ZNF600: variants seen among roughly 807,000 people sequenced by gnomAD.
ZNF600 encodes zinc finger protein 600.
A neutral mutation model predicts 7.3 loss-of-function variants in ZNF600; 4 were observed. That is an observed-to-expected ratio of 0.55 (90% CI 0.27 to 1.25). The LOEUF (loss-of-function observed/expected upper bound fraction) is 1.25, where lower values mean the gene tolerates loss of function less well. Among genes scored for constraint, ZNF600 ranks in the 50% most tolerant of loss-of-function variants. The probability of loss-of-function intolerance (pLI) is 0.12; values close to 1 mark genes in which losing one functional copy is unlikely to be tolerated. For synonymous variants in ZNF600, 290 were observed against 308.9 expected (o/e 0.94, Z 0.64); for missense variants, 911 against 922.1 (o/e 0.99, Z 0.16).
At chr19:52,783,046 T>A (rs12979304) in intron 1 of ZNF600, among the ~76,000 whole-genome samples, 1 of 125,872 alleles carries the variant, frequency 7.9e-6, no homozygotes, top group Non-Finnish European at 1.9e-5. Context: ...CTTCTCTCCC[T>A]CACTCCCCAC....
chr19:52,768,772 T>C (rs759614460), intron 3 of ZNF600, among the ~76,000 whole-genome samples: 23 of 152,004 alleles, frequency 1.5e-4, no homozygotes, highest in Non-Finnish European at 2.2e-4. Context: ...AAGGCAAGAG[T>C]TCGAGGGCAC....
chr19:52,799,583 G>C, the ZNF600 span: 1 of 1,399,312 alleles, frequency 7.1e-7, no homozygotes, highest in South Asian at 1.2e-5. Context: ...GATGGAAGGT[G>C]TTGCCACACT....
chr19:52,827,995 C>T, the ZNF600 span, among the ~76,000 whole-genome samples: 1 of 152,158 alleles, frequency 6.6e-6, no homozygotes, highest in East Asian at 1.9e-4. Context: ...GGATAATCCA[C>T]AAGGAATATC....
chr19:52,822,840 T>A, the ZNF600 span, among the ~76,000 whole-genome samples: 1 of 152,170 alleles, frequency 6.6e-6, no homozygotes, highest in African/African-American at 2.4e-5. Flanking sequence ...GAAACTGACG[T>A]CAGCAGTAAA....
At chr19:52,816,664 CAA>C in the ZNF600 span, among the ~76,000 whole-genome samples, 2 of 94,550 alleles carry the variant, frequency 2.1e-5, 1 homozygote, top group Non-Finnish European at 5.4e-5. Flanking sequence ...AACATCATCT[CAA>C]AAAAAGAAAA....
chr19:52,801,110 A>G, the ZNF600 span: 2 of 1,614,136 alleles, frequency 1.2e-6, no homozygotes, highest in Non-Finnish European at 1.7e-6. Context: ...CATATACATC[A>G]CATTTACATT....
the ZNF600 span, among the ~76,000 whole-genome samples, chr19:52,803,690 G>A: frequency 6.6e-5 from 10 of 152,162 alleles, no homozygotes; most frequent in Admixed American, 3.3e-4. Context: ...CTAACAGCCA[G>A]GCACGGTGGC....
chr19:52,806,257 G>A, the ZNF600 span, among the ~76,000 whole-genome samples: 13 of 151,658 alleles, frequency 8.6e-5, no homozygotes, highest in African/African-American at 3.2e-4. Flanking sequence ...GCAACGGTGC[G>A]ATCTCGGCTC....
chr19:52,767,025 T>A (rs142076783), exon 4 of ZNF600: 5 of 1,614,022 alleles, frequency 3.1e-6, no homozygotes, highest in Non-Finnish European at 4.2e-6. Context: ...CTTGTGAGAT[T>A]TTACTGCAGT....
chr19:52,809,825 C>T, the ZNF600 span: 3,356 of 529,878 alleles, frequency 6.3e-3, 51 homozygotes, highest in Non-Finnish European at 8.0e-3. Context: ...GCGGCGAAGG[C>T]GGCGGCGGCG....
At chr19:52,800,573 T>G in the ZNF600 span, 1 of 1,613,672 alleles carries the variant, frequency 6.2e-7, no homozygotes. Flanking sequence ...TTGCCAGGTA[T>G]GAATTATATG....
upstream of ZNF600, among the ~76,000 whole-genome samples, chr19:52,790,453 C>T (rs1425800289): frequency 6.6e-6 from 1 of 152,098 alleles, no homozygotes; most frequent in Non-Finnish European, 1.5e-5. Context: ...GTTGAGATCG[C>T]ATCACTGCAC....
At chr19:52,801,571 T>C in the ZNF600 span, 738 of 1,614,214 alleles carry the variant, frequency 4.6e-4, 3 homozygotes, top group Admixed American at 2.2e-3. Flanking sequence ...TGAATGTCTT[T>C]CTCAATTTTC....
chr19:52,780,664 G>A (rs1489843634), intron 1 of ZNF600: 1 of 152,122 alleles, frequency 6.6e-6, no homozygotes, highest in Non-Finnish European at 1.5e-5. Flanking sequence ...GGAGTCAGAG[G>A]TTGCAGTGAG....
exon 1 of ZNF600, chr19:52,786,758 C>T (rs1008083273): frequency 1.7e-5 from 6 of 351,560 alleles, no homozygotes; most frequent in East Asian, 8.7e-5. Context: ...TCACTCCACG[C>T]GATCCGCTTC....
chr19:52,818,821 T>A, the ZNF600 span, among the ~76,000 whole-genome samples: 1 of 145,312 alleles, frequency 6.9e-6, no homozygotes, highest in African/African-American at 2.7e-5. Flanking sequence ...AGATACAGGT[T>A]GCAGTGAGCC....
chr19:52,811,441 A>C, the ZNF600 span, among the ~76,000 whole-genome samples: 1 of 136,378 alleles, frequency 7.3e-6, no homozygotes, highest in East Asian at 2.2e-4. Context: ...CCATCTAGGA[A>C]GCGAGGAGCG....
chr19:52,810,778 CCCA>C, the ZNF600 span: 3,686 of 335,430 alleles, frequency 0.011, 229 homozygotes, highest in African/African-American at 0.1. Flanking sequence ...TAAAAAAAAA[CCCA>C]AAAAAAACAG....
chr19:52,777,264 G>T (rs1031358093), intron 2 of ZNF600, among the ~76,000 whole-genome samples: 17 of 151,674 alleles, frequency 1.1e-4, no homozygotes, highest in African/African-American at 4.1e-4. Flanking sequence ...TGTAATCCCA[G>T]ATACTCGGGA....
Sources: gnomAD v4.1 joint callset for allele counts (sites outside exome capture counted in the v4.1 genomes callset) on GRCh38, gnomAD v4.1.1 for gene constraint, MANE v1.5 for transcripts, NCBI Gene and HGNC (gene_info 2026-07-23, HGNC 2026-07-21) for gene names.